IGFBPL1: variants seen among roughly 807,000 people sequenced by gnomAD.
IGFBPL1 encodes the protein insulin-like growth factor-binding protein-like 1.
Under a neutral mutation model 23.9 loss-of-function variants are expected in IGFBPL1, and 20 were observed. The observed-to-expected ratio is 0.84, with a 90% confidence interval of 0.59 to 1.22. IGFBPL1 has a LOEUF of 1.22. Ranked by LOEUF, IGFBPL1 falls within the 50% of genes most tolerant of loss-of-function variation. The pLI is 0.00. For missense variants in IGFBPL1, 436 were observed against 379.3 expected (o/e 1.15, Z -1.24); for synonymous variants, 184 against 171.8 (o/e 1.07, Z -0.56).
chr9:38,423,942 C>A, intron 1 of IGFBPL1, 23 bp downstream of exon 1: 1 of 1,351,372 alleles, frequency 7.4e-7, no homozygotes, highest in Non-Finnish European at 9.5e-7. Context: ...TCTCTACCCA[C>A]CCAATCCCCG....
intron 4 of IGFBPL1, among the ~76,000 whole-genome samples, chr9:38,410,340 A>G (rs555530790): frequency 5.9e-4 from 90 of 152,164 alleles, no homozygotes; most frequent in Non-Finnish European, 9.0e-4. Flanking sequence ...AAAATTAGCC[A>G]GGTGTGGTGG....
At chr9:38,415,468 A>T (rs1821586918) in intron 1 of IGFBPL1, among the ~76,000 whole-genome samples, 1 of 152,212 alleles carries the variant, frequency 6.6e-6, no homozygotes, top group Admixed American at 6.5e-5. Flanking sequence ...CAGGAGGATC[A>T]GGGTGCAGAA....
At chr9:38,415,083 C>A (rs1029073814) in intron 1 of IGFBPL1, among the ~76,000 whole-genome samples, 6 of 152,180 alleles carry the variant, frequency 3.9e-5, no homozygotes, top group African/African-American at 9.7e-5. Flanking sequence ...AGAGGCCTGG[C>A]CAGGGAATGC....
intron 1 of IGFBPL1, among the ~76,000 whole-genome samples, chr9:38,421,020 T>C (rs1381774466): frequency 1.3e-5 from 2 of 152,078 alleles, no homozygotes; most frequent in Non-Finnish European, 2.9e-5. Flanking sequence ...AGCCCAGGGA[T>C]GGTATCTCAT....
At chr9:38,423,413 TC>T (rs1326376239) in intron 1 of IGFBPL1, among the ~76,000 whole-genome samples, 1 of 152,066 alleles carries the variant, frequency 6.6e-6, no homozygotes, top group Non-Finnish European at 1.5e-5. Flanking sequence ...AGGTCTTACT[TC>T]TCCTGGATGG....
chr9:38,414,005 A>C (rs1821554522), intron 2 of IGFBPL1, 89 bp downstream of exon 2: 1 of 812,244 alleles, frequency 1.2e-6, no homozygotes, highest in Non-Finnish European at 2.1e-6. Flanking sequence ...AAACATTTTT[A>C]CCACTCACGT....
At position 38,413,321 on chromosome 9, in the gene IGFBPL1, C is replaced by CA. The variant is rs1201855965; in HGVS notation, c.602dup (p.Glu202GlyfsTer20). 1.2e-6 allele frequency: 2 copies of CA among 1,613,902 alleles called. No individual in the cohort carries two copies. ...TGACATGGTCCCCAGGCAGCTCCTC[C>CA]AGTGCTTGGGTGCCCTCAGGGGACT... On this transcript the variant is annotated frameshift_variant, in exon 3 of 5. Coordinates refer to ENST00000377694, the MANE Select transcript of IGFBPL1 (RefSeq NM_001007563.3). LOFTEE classifies it high-confidence loss of function.
At chr9:38,413,645 T>C (rs1312194849) in intron 2 of IGFBPL1, among the ~76,000 whole-genome samples, 2 of 152,192 alleles carry the variant, frequency 1.3e-5, no homozygotes, top group Non-Finnish European at 2.9e-5. Context: ...GGGACAACAT[T>C]CGCTGTGATC....
intron 4 of IGFBPL1, 136 bp downstream of exon 4, chr9:38,411,255 T>C (rs1173591168): frequency 4.4e-6 from 3 of 677,268 alleles, no homozygotes; most frequent in Non-Finnish European, 7.4e-6. Flanking sequence ...TCTAAGTATG[T>C]CCCTACTCTT....
chr9:38,418,338 A>T (rs1320898366), intron 1 of IGFBPL1, among the ~76,000 whole-genome samples: 1 of 152,206 alleles, frequency 6.6e-6, no homozygotes, highest in African/African-American at 2.4e-5. Flanking sequence ...AAATGGGCAC[A>T]GGAATCTATT....
rs1339837739 is a variant in IGFBPL1 at position 38,408,400 on chromosome 9, C to T, written c.*827G>A. Among the ~76,000 whole-genome samples, 2 of 151,908 alleles carry T rather than the reference C, an allele frequency of 1.3e-5. No individual in the cohort carries two copies. Among genetic ancestry groups the T allele is most frequent in the East Asian group, 3.9e-4 (2 of 5,190 alleles). On this transcript the variant is annotated 3_prime_UTR_variant, in exon 5 of 5. Transcript: ENST00000377694. ...CCATGATCACGCCACTGCACTCCAG[C>T]CTGGGTGATAGAGCGAGACCCTGTC...
rs949212746 is a variant in IGFBPL1 at position 38,424,260 on chromosome 9, GGGCGCCGGGCAGGGCGCA to G, written c.147_164del (p.Ala50_Pro55del). On this transcript the variant is annotated inframe_deletion, in exon 1 of 5. Transcript: ENST00000377694. ...CGCACTCGTCGAGCGCCGAGATCCC[GGGCGCCGGGCAGGGCGCA>G]GGCGCCGGGCAGCCCTCTGGCCGGC... 184 of 1,224,466 alleles carry G rather than the reference GGGCGCCGGGCAGGGCGCA, an allele frequency of 1.5e-4. No individual in the cohort carries two copies. Among genetic ancestry groups the G allele is most frequent in the Middle Eastern group, 3.2e-4 (1 of 3,100 alleles). 75.9% of individuals were successfully genotyped at this position (1,224,466 alleles called of 1,614,324 possible). A position where few individuals can be genotyped will look rare whatever the true frequency, so the allele number is the denominator to read the frequency against.
intron 1 of IGFBPL1, among the ~76,000 whole-genome samples, chr9:38,421,524 C>T (rs561419883): frequency 6.6e-5 from 10 of 152,028 alleles, no homozygotes; most frequent in Non-Finnish European, 8.8e-5. Context: ...AAATACTTCC[C>T]GAGGCCTCAT....
rs777430314 is a variant in IGFBPL1, at chr9:38,414,218, C to G, written c.461-15G>C. On this transcript the variant is annotated splice_polypyrimidine_tract_variant and intron_variant, in intron 1 of 4. Coordinates refer to ENST00000377694, the MANE Select transcript of IGFBPL1 (RefSeq NM_001007563.3). ...GACCACAGGAGCTAGGAGGAGGAGA[C>G]AAGGAGACGCAGCCTTTACCCTGCA... The G allele has an allele frequency of 3.3e-6, 5 of 1,512,672 alleles. No individual in the cohort carries two copies. The South Asian group carries it at 3.7e-5, about 11-fold the overall frequency. 93.7% of individuals were successfully genotyped at this position (1,512,672 alleles called of 1,614,324 possible).
At position 38,408,557 on chromosome 9, in the gene IGFBPL1, AG is replaced by A. The variant is rs1373783049; in HGVS notation, c.*669del. ...AACTAAATCTCCTTCAAAGGGAAAA[AG>A]TTAGGAATAGAAGAGCTACAGCCAG... On this transcript the variant is annotated 3_prime_UTR_variant, in exon 5 of 5. Coordinates refer to ENST00000377694, the MANE Select transcript of IGFBPL1 (RefSeq NM_001007563.3). Among the ~76,000 whole-genome samples the A allele has an allele frequency of 1.3e-5, 2 of 152,204 alleles. No individual in the cohort carries two copies. The highest frequency in any genetic ancestry group is 3.8e-4 in the East Asian group (2 of 5,196).
rs1163082419 is a variant in IGFBPL1, at chr9:38,424,116, G to A, written c.309C>T (p.Thr103=). 4 of 1,291,996 alleles carry A rather than the reference G, an allele frequency of 3.1e-6. No individual in the cohort carries two copies. Among genetic ancestry groups the A allele is most frequent in the South Asian group, 2.3e-5 (1 of 43,556 alleles). The allele number at this position is 1,291,996 out of a possible 1,614,324, so 80.0% of individuals were successfully genotyped here. ...CGCGCTGCGCGCACACGCAGAGCCC[G>A]GTGCCCTCGGGCGCTGCCCCAGCGG... ...SQAAGAAPEG[T]GLCVCAQRGT... is the part of the protein sequence containing the mutation. Residue 103 remains threonine, a synonymous_variant, in exon 1 of 5, where the codon ACC becomes ACT. Transcript: ENST00000377694.
chr9:38,423,390 CT>C (rs1563921426), intron 1 of IGFBPL1, among the ~76,000 whole-genome samples: 1 of 152,112 alleles, frequency 6.6e-6, no homozygotes, highest in African/African-American at 2.4e-5. Context: ...CTTTTCAGAC[CT>C]TACGTCTCCA....
rs1923423 is a variant in IGFBPL1, at chr9:38,407,465, A to T, written c.*1762T>A. Among the ~76,000 whole-genome samples the T allele has an allele frequency of 0.69, 104,897 of 152,002 alleles. 36,326 individuals carry two copies. Among genetic ancestry groups the T allele is most frequent in the Middle Eastern group, 0.76 (223 of 294 alleles). ...ACAGAAGGTGATGCCATCCCAATAT[A>T]TTAGACATGGAATGGCAGGCTTACA... On this transcript the variant is annotated 3_prime_UTR_variant, in exon 5 of 5. Transcript: ENST00000377694.
chr9:38,424,009 T>C lies in IGFBPL1; in HGVS notation c.416A>G (p.His139Arg), dbSNP rs777346154. ...RLRARHTPRA[H>R]PGHLHKARDG... ...GCGCGCCTTGTGCAGGTGACCGGGG[T>C]GCGCGCGGGGCGTGTGCCGAGCGCG... The change falls in exon 1 of 5, where the codon CAC (histidine) becomes CGC (arginine). Residue 139 changes from histidine (H) to arginine (R), a missense_variant. Coordinates refer to ENST00000377694, the MANE Select transcript of IGFBPL1 (RefSeq NM_001007563.3). 135 of 1,409,710 alleles carry C rather than the reference T, an allele frequency of 9.6e-5. No homozygotes were observed. The East Asian group carries it at 4.0e-3, about 42-fold the overall frequency. 87.3% of individuals were successfully genotyped at this position (1,409,710 alleles called of 1,614,324 possible).
Sources: gnomAD v4.1 joint callset for allele counts (sites outside exome capture counted in the v4.1 genomes callset) on GRCh38, gnomAD v4.1.1 for gene constraint, MANE v1.5 for transcripts, NCBI Gene and HGNC (gene_info 2026-07-23, HGNC 2026-07-21) for gene names.